CDH13: variants seen among roughly 807,000 people sequenced by gnomAD.
CDH13 encodes cadherin 13, also known as cadherin-13.
CDH13 carries 24 observed loss-of-function variants against 63.8 expected under a neutral mutation model. The ratio of observed to expected loss-of-function variants is 0.38; its 90% CI spans 0.27 to 0.53. The LOEUF is 0.53. Among genes scored for constraint, CDH13 ranks in the 20% least tolerant of loss-of-function variants. The pLI is 0.85. For synonymous variants in CDH13, 503 were observed against 355.3 expected, an observed-to-expected ratio of 1.42 and a Z score of -4.67; for missense variants, 1,049 against 903.1, an observed-to-expected ratio of 1.16 and a Z score of -2.07.
At chr16:82,649,025 T>G (rs1383104597) in intron 1 of CDH13, among the ~76,000 whole-genome samples, 1 of 152,126 alleles carries the variant, frequency 6.6e-6, no homozygotes, top group African/African-American at 2.4e-5. Context: ...CAGAAATGAT[T>G]CCAACATTTT....
chr16:83,316,897 G>A (rs561543463), intron 5 of CDH13, among the ~76,000 whole-genome samples: 1 of 152,286 alleles, frequency 6.6e-6, no homozygotes, highest in Admixed American at 6.5e-5. Context: ...GCTGGGCTGG[G>A]CTCCAGGCTG....
At chr16:82,906,764 A>C (rs2041659594) in intron 2 of CDH13, among the ~76,000 whole-genome samples, 1 of 151,964 alleles carries the variant, frequency 6.6e-6, no homozygotes, top group Non-Finnish European at 1.5e-5. Flanking sequence ...ATCCTTCCCC[A>C]CCCCTTCCTA....
chr16:83,298,809 A>G (rs2089663610), intron 5 of CDH13, among the ~76,000 whole-genome samples: 1 of 152,220 alleles, frequency 6.6e-6, no homozygotes, highest in Non-Finnish European at 1.5e-5. Context: ...TGATGATCAA[A>G]TAAGAAAAGC....
At position 83,534,738 on chromosome 16, in the gene CDH13, G is replaced by A. The variant is rs2075150967; in HGVS notation, c.960+48083G>A. On this transcript the variant is annotated intron_variant, in intron 7 of 13. Transcript: ENST00000567109. ...TATCCTTTCACTGATGGACATTTGAGCTGCTTCTACTTCCTCACTATTATG... is the reference window on the plus strand; with the variant it reads ...TATCCTTTCACTGATGGACATTTGAACTGCTTCTACTTCCTCACTATTATG... Among the ~76,000 whole-genome samples, 5 of 152,306 alleles carry A rather than the reference G, an allele frequency of 3.3e-5. No homozygotes were observed. In the South Asian group the frequency reaches 1.0e-3, roughly 32 times the overall value.
chr16:83,324,957 C>T lies in CDH13; in HGVS notation c.637-19905C>T, dbSNP rs566465019. 1.0e-3 allele frequency among the ~76,000 whole-genome samples: 153 copies of T among 152,284 alleles called. 1 individual carries two copies. Among genetic ancestry groups the T allele is most frequent in the Non-Finnish European group, 3.7e-4 (25 of 68,030 alleles). On this transcript the variant is annotated intron_variant, in intron 5 of 13. Transcript: ENST00000567109. ...CAGGCCCAGCCCATGTCACCTTTCCCACTTCTGTCACTCTACTTGGTCCCC... is the reference window on the plus strand; with the variant it reads ...CAGGCCCAGCCCATGTCACCTTTCCTACTTCTGTCACTCTACTTGGTCCCC...
At chr16:83,258,118 T>C (rs1906513960) in intron 5 of CDH13, among the ~76,000 whole-genome samples, 1 of 152,204 alleles carries the variant, frequency 6.6e-6, no homozygotes, top group Non-Finnish European at 1.5e-5. Flanking sequence ...TAGTGGTTAT[T>C]TGGGGGCTAT....
chr16:83,303,849 G>A (rs922199365), intron 5 of CDH13, among the ~76,000 whole-genome samples: 1 of 152,106 alleles, frequency 6.6e-6, no homozygotes, highest in African/African-American at 2.4e-5. Flanking sequence ...CTTGGCAAGG[G>A]CACAGGATTC....
intron 2 of CDH13, among the ~76,000 whole-genome samples, chr16:82,887,028 T>C (rs559864519): frequency 6.6e-6 from 1 of 152,364 alleles, no homozygotes; most frequent in African/African-American, 2.4e-5. Context: ...GATAGGTTTC[T>C]GTACAACCAT....
Position 82,681,731 on chromosome 16 carries a change from C to T in CDH13, c.45+54594C>T, listed in dbSNP as rs191744866. 4.7e-3 allele frequency among the ~76,000 whole-genome samples: 712 copies of T among 152,334 alleles called. 23 individuals are homozygous for T. Among genetic ancestry groups the T allele is most frequent in the Admixed American group, 0.042 (643 of 15,298 alleles). On this transcript the variant is annotated intron_variant, in intron 1 of 13. Coordinates refer to ENST00000567109, the MANE Select transcript of CDH13 (RefSeq NM_001257.5). ...TGTTTCTCTGCCTGAGGGCTCTCTC[C>T]GGCTGCCAAAGCCCGTGTCCACGCA...
intron 12 of CDH13, among the ~76,000 whole-genome samples, chr16:83,782,504 G>A (rs1367296591): frequency 6.6e-6 from 1 of 152,126 alleles, no homozygotes; most frequent in Non-Finnish European, 1.5e-5. Flanking sequence ...GGGAGGCCGA[G>A]GCAGGCAGAT....
At chr16:82,970,105 A>C (rs1908486728) in intron 2 of CDH13, among the ~76,000 whole-genome samples, 1 of 151,976 alleles carries the variant, frequency 6.6e-6, no homozygotes, top group South Asian at 2.1e-4. Flanking sequence ...ACCCATCGAC[A>C]GTGTGGTGTT....
intron 1 of CDH13, among the ~76,000 whole-genome samples, chr16:82,832,707 A>G (rs75250669): frequency 0.045 from 6,716 of 148,590 alleles, 216 homozygotes; most frequent in Non-Finnish European, 0.064. Context: ...TAACATTGCC[A>G]TGTTACAGTA....
At chr16:82,885,530 T>G (rs987876443) in intron 2 of CDH13, among the ~76,000 whole-genome samples, 1 of 149,412 alleles carries the variant, frequency 6.7e-6, no homozygotes, top group African/African-American at 2.5e-5. Flanking sequence ...CATCCATCCA[T>G]CCATCCATCC....
chr16:83,125,629 G>A, intron 4 of CDH13, 128 bp downstream of exon 4: 3 of 546,696 alleles, frequency 5.5e-6, no homozygotes, highest in South Asian at 3.1e-5. Context: ...GAGACCAAAT[G>A]GTTTAGTCAT....
At position 83,411,495 on chromosome 16, in the gene CDH13, G is replaced by T. The variant is rs552896877; in HGVS notation, c.781+66489G>T. 5.9e-5 allele frequency among the ~76,000 whole-genome samples: 9 copies of T among 152,228 alleles called. No homozygotes were observed. The East Asian group carries it at 1.7e-3, about 29-fold the overall frequency. On this transcript the variant is annotated intron_variant, in intron 6 of 13. Transcript: ENST00000567109. ...GAAATCATATGTGCTCAATATGGGG[G>T]TTAGCACATAGTCAATGAATATTCA... is the stretch of plus-strand genomic sequence containing the variant.
At chr16:83,531,384 C>T (rs942895504) in intron 7 of CDH13, among the ~76,000 whole-genome samples, 3 of 152,210 alleles carry the variant, frequency 2.0e-5, no homozygotes, top group African/African-American at 7.2e-5. Flanking sequence ...ACACCCAAGT[C>T]CTGATCCTGG....
At chr16:83,185,869 G>GC (rs1354949335) in intron 4 of CDH13, among the ~76,000 whole-genome samples, 3 of 152,096 alleles carry the variant, frequency 2.0e-5, no homozygotes, top group Non-Finnish European at 2.9e-5. Context: ...CTGATTGCCT[G>GC]CCCATCTCCT....
At chr16:83,015,969 G>A (rs890724343) in intron 2 of CDH13, among the ~76,000 whole-genome samples, 2 of 151,694 alleles carry the variant, frequency 1.3e-5, no homozygotes, top group South Asian at 2.1e-4. Flanking sequence ...TGCTGCATTG[G>A]CTTTTACTTC....
chr16:83,304,272 C>G (rs1342862533), intron 5 of CDH13, among the ~76,000 whole-genome samples: 1 of 152,062 alleles, frequency 6.6e-6, no homozygotes, highest in Non-Finnish European at 1.5e-5. Flanking sequence ...TTGGATGTGT[C>G]AGTTCCATCT....
Sources: gnomAD v4.1 joint callset for allele counts (sites outside exome capture counted in the v4.1 genomes callset) on GRCh38, gnomAD v4.1.1 for gene constraint, MANE v1.5 for transcripts, NCBI Gene and HGNC (gene_info 2026-07-23, HGNC 2026-07-21) for gene names.